KCNIP1: variants seen among roughly 807,000 people sequenced by gnomAD.
KCNIP1 encodes A-type potassium channel modulatory protein KCNIP1.
KCNIP1 carries 18 observed loss-of-function variants against 33.0 expected under a neutral mutation model. That is an observed-to-expected ratio of 0.55 (90% CI 0.38 to 0.81). KCNIP1 has a LOEUF of 0.81. KCNIP1 is among the 30% of genes least tolerant of loss of function. The pLI, the probability that KCNIP1 is intolerant of heterozygous loss-of-function variation, is 0.00. For missense variants in KCNIP1, 238 were observed against 271.6 expected, an observed-to-expected ratio of 0.88 and a Z score of 0.87; for synonymous variants, 93 against 98.3, an observed-to-expected ratio of 0.95 and a Z score of 0.32.
chr5:170,707,158 C>CA (rs34331045), intron 1 of KCNIP1, among the ~76,000 whole-genome samples: 6,454 of 125,462 alleles, frequency 0.051, 160 homozygotes, highest in Admixed American at 0.076. Context: ...AGTAAATCAT[C>CA]AAAAAAAAAA....
chr5:170,681,056 G>C (rs1483053507), intron 1 of KCNIP1: 2 of 399,492 alleles, frequency 5.0e-6, no homozygotes, highest in African/African-American at 4.1e-5. Flanking sequence ...CGGTGCGCCA[G>C]GGTGCTGTGA....
intron 1 of KCNIP1, among the ~76,000 whole-genome samples, chr5:170,587,029 C>A (rs957740095): frequency 4.6e-5 from 7 of 152,156 alleles, no homozygotes; most frequent in Admixed American, 2.6e-4. Flanking sequence ...CAAAAAACAC[C>A]AAGTCACAGG....
chr5:170,646,542 C>T lies in KCNIP1; in HGVS notation c.62-72216C>T, dbSNP rs60113843. On this transcript the variant is annotated intron_variant, in intron 1 of 7. Coordinates refer to ENST00000328939, the MANE Select transcript of KCNIP1 (RefSeq NM_014592.4). ...AAAAGCATTTGACAAAATCTAACCC[C>T]CAGTTGTGATTAAAACTCTCAAAAA... is the stretch of plus-strand genomic sequence containing the variant. Among the ~76,000 whole-genome samples the T allele has an allele frequency of 7.5e-3, 1,139 of 152,170 alleles. 18 individuals carry two copies. The highest frequency in any genetic ancestry group is 0.073 in the East Asian group (380 of 5,188).
chr5:170,382,916 AAATG>A (rs1182330134), intron 1 of KCNIP1: 3 of 152,636 alleles, frequency 2.0e-5, no homozygotes, highest in African/African-American at 7.3e-5. Flanking sequence ...TTGAATAAAT[AAATG>A]AGAGGAGGAA....
chr5:170,546,616 C>T lies in KCNIP1; in HGVS notation c.61+41983C>T, dbSNP rs115680290. Among the ~76,000 whole-genome samples the T allele has an allele frequency of 3.8e-3, 578 of 152,268 alleles. 5 individuals carry two copies. The highest frequency in any genetic ancestry group is 0.012 in the African/African-American group (510 of 41,556). On this transcript the variant is annotated intron_variant, in intron 1 of 7. Coordinates refer to ENST00000328939, the MANE Select transcript of KCNIP1 (RefSeq NM_014592.4). ...TCAGGAGTTATCAGCCTACAGAGGA[C>T]CCACTTTGTCCTCATTTCCACAGCT...
At chr5:170,605,465 A>G (rs547429334) in intron 1 of KCNIP1, among the ~76,000 whole-genome samples, 54 of 152,206 alleles carry the variant, frequency 3.5e-4, no homozygotes, top group South Asian at 8.3e-4. Context: ...ATTTTAAAGG[A>G]TGCAATTCAG....
At position 170,733,914 on chromosome 5, in the gene KCNIP1, A is replaced by C; in HGVS notation, c.603+16A>C. ...ATGTCAGGAGGTAAGGAGAGATCTC[A>C]GGGCACAATAACTCTACATCTGGGA... On this transcript the variant is annotated intron_variant, in intron 7 of 7. Coordinates refer to ENST00000328939, the MANE Select transcript of KCNIP1 (RefSeq NM_014592.4). The C allele has an allele frequency of 3.1e-6, 5 of 1,604,728 alleles. No homozygotes were observed. The highest frequency in any genetic ancestry group is 4.3e-6 in the Non-Finnish European group (5 of 1,171,760).
chr5:170,434,619 C>CG (rs1165625169), intron 1 of KCNIP1, among the ~76,000 whole-genome samples: 1 of 151,966 alleles, frequency 6.6e-6, no homozygotes, highest in Non-Finnish European at 1.5e-5. Flanking sequence ...GACTGGGGGA[C>CG]GGGTCGGTGG....
chr5:170,484,928 G>C (rs1581233876), intron 1 of KCNIP1, among the ~76,000 whole-genome samples: 5 of 135,894 alleles, frequency 3.7e-5, no homozygotes, highest in Admixed American at 7.9e-5. Flanking sequence ...TCTTTTTTTT[G>C]TTTTTTCTTT....
chr5:170,549,414 T>A (rs1756526053), intron 1 of KCNIP1, among the ~76,000 whole-genome samples: 1 of 152,232 alleles, frequency 6.6e-6, no homozygotes. Flanking sequence ...ATCCATATAG[T>A]GTACATTGTA....
intron 1 of KCNIP1, among the ~76,000 whole-genome samples, chr5:170,478,117 G>T (rs1756897649): frequency 1.3e-5 from 2 of 152,126 alleles, no homozygotes; most frequent in South Asian, 2.1e-4. Context: ...CACATGAGGG[G>T]ACCTGCCAAG....
rs368856134 is a variant in KCNIP1 at position 170,574,160 on chromosome 5, CA to C, written c.61+69528del. ...AGCTACAGAAAGCAGTAAGTCCTCA[CA>C]TTATTGTCTACAGGTTCTTTGATAT... On this transcript the variant is annotated intron_variant, in intron 1 of 7. Coordinates refer to ENST00000328939, the MANE Select transcript of KCNIP1 (RefSeq NM_014592.4). Among the ~76,000 whole-genome samples the C allele has an allele frequency of 2.0e-4, 31 of 152,316 alleles. No individual in the cohort carries two copies. The East Asian group carries it at 5.8e-3, about 28-fold the overall frequency.
chr5:170,510,546 A>G (rs775583534), intron 1 of KCNIP1, among the ~76,000 whole-genome samples: 1 of 152,134 alleles, frequency 6.6e-6, no homozygotes, highest in Non-Finnish European at 1.5e-5. Context: ...TTTTTAGAAA[A>G]GAGAGAGAGA....
chr5:170,733,173 GAA>G (rs1260049750), intron 6 of KCNIP1, among the ~76,000 whole-genome samples: 24 of 152,298 alleles, frequency 1.6e-4, no homozygotes, highest in African/African-American at 5.8e-4. Flanking sequence ...GGGTAAACAC[GAA>G]AGACTTCATT....
chr5:170,630,441 A>G (rs1760013494), intron 1 of KCNIP1, among the ~76,000 whole-genome samples: 1 of 152,198 alleles, frequency 6.6e-6, no homozygotes, highest in African/African-American at 2.4e-5. Context: ...AGACTCTCCA[A>G]AAAGGCAGCA....
chr5:170,535,860 C>T (rs577877032), intron 1 of KCNIP1, among the ~76,000 whole-genome samples: 3 of 152,300 alleles, frequency 2.0e-5, no homozygotes, highest in Admixed American at 6.5e-5. Flanking sequence ...ATCTGCAGCT[C>T]GGTGTGAACT....
chr5:170,720,318 C>A lies in KCNIP1; in HGVS notation c.187-3C>A. Reference sequence around the variant, plus strand: ...TCCCGCTGACTCTCTCCCCTTCCCACAGGAGTGCCCCAGTGGTGTGGTCAA... The same window carrying A: ...TCCCGCTGACTCTCTCCCCTTCCCAAAGGAGTGCCCCAGTGGTGTGGTCAA... On this transcript the variant is annotated splice_region_variant and splice_polypyrimidine_tract_variant and intron_variant, in intron 2 of 7. Transcript: ENST00000328939. 1 of 1,613,380 alleles carries A rather than the reference C, an allele frequency of 6.2e-7. No individual in the cohort carries two copies. Among genetic ancestry groups the A allele is most frequent in the South Asian group, 1.1e-5 (1 of 91,044 alleles).
At chr5:170,690,688 C>T (rs1040144566) in intron 1 of KCNIP1, among the ~76,000 whole-genome samples, 1 of 152,226 alleles carries the variant, frequency 6.6e-6, no homozygotes, top group Non-Finnish European at 1.5e-5. Context: ...AAGCCTCAAC[C>T]CCAGCCCTCA....
At chr5:170,531,918 C>T (rs932646846) in intron 1 of KCNIP1, among the ~76,000 whole-genome samples, 20 of 152,174 alleles carry the variant, frequency 1.3e-4, no homozygotes, top group African/African-American at 3.9e-4. Flanking sequence ...CCCATCTTCC[C>T]GATCTAACTC....
Sources: gnomAD v4.1 joint callset for allele counts (sites outside exome capture counted in the v4.1 genomes callset) on GRCh38, gnomAD v4.1.1 for gene constraint, MANE v1.5 for transcripts, NCBI Gene and HGNC (gene_info 2026-07-23, HGNC 2026-07-21) for gene names.